VWCE: variants seen among roughly 807,000 people sequenced by gnomAD.
VWCE encodes von Willebrand factor C and EGF domains, also known as von Willebrand factor C and EGF domain-containing protein.
A neutral mutation model predicts 102.9 loss-of-function variants in VWCE; 68 were observed. The ratio of observed to expected loss-of-function variants is 0.66; its 90% CI spans 0.54 to 0.81. VWCE has a LOEUF of 0.81. VWCE is among the 30% of genes least tolerant of loss of function. VWCE has a pLI of 0.00. For missense variants in VWCE, 1,137 were observed against 1,263.6 expected (o/e 0.90, Z 1.52); for synonymous variants, 497 against 515.4 (o/e 0.96, Z 0.48).
Position 61,276,601 on chromosome 11 carries a change from C to T in VWCE, c.1487G>A (p.Cys496Tyr), listed in dbSNP as rs1409268560. 11 of 1,581,656 alleles carry T rather than the reference C, an allele frequency of 7.0e-6. No homozygotes were observed. Among genetic ancestry groups the T allele is most frequent in the Admixed American group, 1.8e-5 (1 of 55,706 alleles). Residue 496 changes from cysteine (C) to tyrosine (Y), a missense_variant, in exon 11 of 20, where the codon TGT becomes TAT. By Grantham distance (194) the Cys-to-Tyr change is radical. This residue lies in a region of VWCE where 212 missense variants were observed against 235.1 expected (regional missense o/e 0.90). Coordinates refer to ENST00000335613, the MANE Select transcript of VWCE (RefSeq NM_152718.2). Reference sequence around the variant, plus strand: ...CCAAGAGTGTCACTTACCTGGAACACAAGTACAGCAATCCGTCTGTGGGGG... The same window carrying T: ...CCAAGAGTGTCACTTACCTGGAACATAAGTACAGCAATCCGTCTGTGGGGG... Reference protein sequence around the residue: ...QTPPQTDCCTCVPVRCYFHGR... With the variant: ...QTPPQTDCCTYVPVRCYFHGR...
intron 14 of VWCE, 84 bp downstream of exon 14, chr11:61,271,591 C>A: frequency 7.3e-7 from 1 of 1,378,558 alleles, no homozygotes; most frequent in Non-Finnish European, 1.0e-6. Context: ...AGGCCAGCCT[C>A]TGGAGGGGCC....
At chr11:61,278,368 G>C (rs757858548) in intron 10 of VWCE, 26 bp downstream of exon 10, 4 of 1,613,216 alleles carry the variant, frequency 2.5e-6, no homozygotes, top group Non-Finnish European at 3.4e-6. Context: ...ACACCCACGA[G>C]GCTTTGAGGA....
At position 61,271,709 on chromosome 11, in the gene VWCE, G is replaced by A. The variant is rs150504735; in HGVS notation, c.1751C>T (p.Ser584Leu). 7 of 1,613,582 alleles carry A rather than the reference G, an allele frequency of 4.3e-6. No homozygotes were observed. The highest frequency in any genetic ancestry group is 2.2e-5 in the East Asian group (1 of 44,876). ...GVEFPIGQIW[S>L]PGDPCELCIC... ...GCATAACTCACAGGGGTCACCAGGC[G>A]ACCAGATCTGTCCAATCGGAAACTC... The change falls in exon 14 of 20, where the codon TCG (serine) becomes TTG (leucine). Residue 584 changes from serine (S) to leucine (L), a missense_variant. Around this residue, in one of 5 missense-constraint regions of VWCE, gnomAD observed 212 missense variants for 235.1 expected, o/e 0.90. Transcript: ENST00000335613.
chr11:61,262,128 A>C (rs191127099), intron 19 of VWCE, among the ~76,000 whole-genome samples: 1 of 152,032 alleles, frequency 6.6e-6, no homozygotes, highest in Non-Finnish European at 1.5e-5. Context: ...TAATTTTTCT[A>C]TTTTTAGTAG....
Position 61,259,023 on chromosome 11 carries a change from G to A in VWCE, c.2520C>T (p.Ala840=). The change falls in exon 20 of 20, where the codon GCC becomes GCT. Residue 840 remains alanine, a synonymous_variant. Transcript: ENST00000335613. ...AAGGCCCTGGTGAGAGTCGAGGGGA[G>A]GCCCCAGGCTCCCCTGGGAAAGTGG... ...LTATFPGEPG[A]SPRLSPGPST... 2 of 1,613,868 alleles carry A rather than the reference G, an allele frequency of 1.2e-6. No individual in the cohort carries two copies. Among genetic ancestry groups the A allele is most frequent in the Non-Finnish European group, 8.5e-7 (1 of 1,179,852 alleles).
rs1012846105 is a variant in VWCE at position 61,294,920 on chromosome 11, G to A, written c.110+8C>T. 20 of 1,404,508 alleles carry A rather than the reference G, an allele frequency of 1.4e-5. No individual in the cohort carries two copies. Among genetic ancestry groups the A allele is most frequent in the Non-Finnish European group, 1.8e-5 (19 of 1,073,668 alleles). 87.0% of individuals were successfully genotyped at this position (1,404,508 alleles called of 1,614,324 possible). A position where few individuals can be genotyped will look rare whatever the true frequency, so the allele number is the denominator to read the frequency against. ...GCGGGGGAGCGGGGAGGAGCTCCGG[G>A]CGCTTACCTCTCGGCCGCGAAGTGC... On this transcript the variant is annotated splice_region_variant and intron_variant, in intron 1 of 19. Coordinates refer to ENST00000335613, the MANE Select transcript of VWCE (RefSeq NM_152718.2). This position sits in a 1 kb window ranked among gnomAD's most constrained non-coding sequence, Gnocchi z 6.3.
intron 7 of VWCE, 151 bp downstream of exon 7, chr11:61,281,635 G>A: frequency 4.6e-6 from 5 of 1,091,580 alleles, no homozygotes; most frequent in South Asian, 1.8e-5. Flanking sequence ...CAGGTGGGCG[G>A]GGCCGGGGTA....
At position 61,294,015 on chromosome 11, in the gene VWCE, C is replaced by T. The variant is rs1565233949; in HGVS notation, c.110+913G>A. Among the ~76,000 whole-genome samples, 1 of 152,120 alleles carries T rather than the reference C, an allele frequency of 6.6e-6. No individual in the cohort carries two copies. The highest frequency in any genetic ancestry group is 1.9e-4 in the East Asian group (1 of 5,184). On this transcript the variant is annotated intron_variant, in intron 1 of 19. Coordinates refer to ENST00000335613, the MANE Select transcript of VWCE (RefSeq NM_152718.2). This position sits in a 1 kb window ranked among gnomAD's most constrained non-coding sequence, Gnocchi z 6.3. Reference sequence around the variant, plus strand: ...AGCGGAGCCTTGGGACTCTCAGAAACGGACAGGCAGTGCCACCAAGGCGGC... The same window carrying T: ...AGCGGAGCCTTGGGACTCTCAGAAATGGACAGGCAGTGCCACCAAGGCGGC...
chr11:61,291,942 C>T (rs938148282), intron 1 of VWCE, among the ~76,000 whole-genome samples: 3 of 152,208 alleles, frequency 2.0e-5, no homozygotes, highest in Non-Finnish European at 2.9e-5. Flanking sequence ...GTTCTTATGG[C>T]TGGGTGTGGT....
At chr11:61,272,016 C>T (rs1854725041) in intron 13 of VWCE, among the ~76,000 whole-genome samples, 1 of 152,032 alleles carries the variant, frequency 6.6e-6, no homozygotes, top group Non-Finnish European at 1.5e-5. Context: ...ATACACATAC[C>T]GATACAAATG....
rs1187201468 is a variant in VWCE, at chr11:61,294,077, ACT to A, written c.110+849_110+850del. Among the ~76,000 whole-genome samples the A allele has an allele frequency of 6.6e-6, 1 of 152,066 alleles. No homozygotes were observed. Among genetic ancestry groups the A allele is most frequent in the African/African-American group, 2.4e-5 (1 of 41,412 alleles). On this transcript the variant is annotated intron_variant, in intron 1 of 19. Transcript: ENST00000335613. This position sits in a 1 kb window ranked among gnomAD's most constrained non-coding sequence, Gnocchi z 6.3. Reference sequence around the variant, plus strand: ...TGCCCAGGGAGGCTGATGGAGTCGAACTCTCAGGTGGGCAGGGACCGAGCACC... The same window carrying A: ...TGCCCAGGGAGGCTGATGGAGTCGAACTCAGGTGGGCAGGGACCGAGCACC...
At chr11:61,285,296 A>G (rs1855280809) in intron 5 of VWCE, among the ~76,000 whole-genome samples, 1 of 152,178 alleles carries the variant, frequency 6.6e-6, no homozygotes. Flanking sequence ...AGAAAATAAT[A>G]ATGTAAGATT....
At chr11:61,290,029 A>T (rs1855449870) in intron 4 of VWCE, among the ~76,000 whole-genome samples, 1 of 152,230 alleles carries the variant, frequency 6.6e-6, no homozygotes, top group Admixed American at 6.5e-5. Context: ...TTCACAAACT[A>T]ATTATTGAGT....
chr11:61,260,149 G>A (rs1854310018), intron 19 of VWCE, among the ~76,000 whole-genome samples: 1 of 152,194 alleles, frequency 6.6e-6, no homozygotes, highest in African/African-American at 2.4e-5. Context: ...CAGCTACTCG[G>A]GAGGCTGAGG....
intron 14 of VWCE, among the ~76,000 whole-genome samples, chr11:61,270,254 G>A (rs1854644570): frequency 2.0e-5 from 3 of 152,134 alleles, no homozygotes; most frequent in Admixed American, 2.0e-4. Flanking sequence ...CTCATCGAAG[G>A]CACTAGAAGG....
chr11:61,282,331 T>C (rs1046477739), intron 6 of VWCE, among the ~76,000 whole-genome samples: 2 of 152,210 alleles, frequency 1.3e-5, no homozygotes, highest in African/African-American at 4.8e-5. Context: ...AAGGTCTTTT[T>C]TCAGGCCCAT....
In VWCE at chr11:61,278,421, A is replaced by T. The variant is rs868704224; in HGVS notation, c.1380T>A (p.Asn460Lys). 2.5e-6 allele frequency: 4 copies of T among 1,614,060 alleles called. No individual in the cohort carries two copies. Among genetic ancestry groups the T allele is most frequent in the Non-Finnish European group, 3.4e-6 (4 of 1,180,020 alleles). Residue 460 changes from asparagine (N) to lysine (K), a missense_variant, in exon 10 of 20, where the codon AAT becomes AAA. Transcript: ENST00000335613. ...RAEGDVFSPP[N>K]ENCTVCVCLA... Reference sequence around the variant, plus strand: ...GACAGACACAGACGGTGCAGTTCTCATTGGGAGGTGAAAACACATCCCCTT... The same window carrying T: ...GACAGACACAGACGGTGCAGTTCTCTTTGGGAGGTGAAAACACATCCCCTT...
At chr11:61,278,217 GT>G (rs1854988500) in intron 10 of VWCE, among the ~76,000 whole-genome samples, 176 bp downstream of exon 10, 1 of 152,154 alleles carries the variant, frequency 6.6e-6, no homozygotes, top group East Asian at 1.9e-4. Context: ...CAACCTTCGT[GT>G]TTTACACTTC....
chr11:61,293,118 G>C (rs1344731619), intron 1 of VWCE, among the ~76,000 whole-genome samples: 2 of 151,924 alleles, frequency 1.3e-5, no homozygotes, highest in African/African-American at 4.8e-5. Context: ...GCGCATGCCT[G>C]TAATCCCAGC....
Sources: allele counts gnomAD v4.1 joint callset (sites outside exome capture counted in the v4.1 genomes callset), GRCh38; gene constraint gnomAD v4.1.1; regional missense constraint gnomAD v4.1.1; non-coding constraint Gnocchi (gnomAD v3.1); transcripts MANE v1.5; gene names NCBI Gene and HGNC (gene_info 2026-07-23, HGNC 2026-07-21).